The following CELF2 variants were observed in gnomAD, a reference collection of about 807,000 sequenced individuals.
CELF2 encodes the protein CUGBP Elav-like family member 2, also known as CUG triplet repeat RNA-binding protein 2.
Under a neutral mutation model 62.6 loss-of-function variants are expected in CELF2, and 8 were observed. The ratio of observed to expected loss-of-function variants is 0.13; its 90% CI spans 0.07 to 0.23. The LOEUF (loss-of-function observed/expected upper bound fraction) is 0.23, where lower values mean the gene tolerates loss of function less well. CELF2 is among the 10% of genes least tolerant of loss of function. The pLI, the probability that CELF2 is intolerant of heterozygous loss-of-function variation, is 1.00. For missense variants in CELF2, 333 were observed against 671.0 expected (o/e 0.50, Z 5.56); for synonymous variants, 258 against 250.0 (o/e 1.03, Z -0.30).
At chr10:10,923,974 G>A (rs1238958185) in intron 2 of CELF2, 1 of 152,140 alleles carries the variant, frequency 6.6e-6, no homozygotes, top group Non-Finnish European at 1.5e-5. Flanking sequence ...TTAGGATGAA[G>A]GGTGTTGCGT....
intron 2 of CELF2, among the ~76,000 whole-genome samples, chr10:10,986,833 C>T (rs1251549381): frequency 1.3e-5 from 2 of 152,146 alleles, no homozygotes; most frequent in African/African-American, 4.8e-5. Flanking sequence ...TACAAGGTCA[C>T]GCGTTCTTAC....
At chr10:11,317,702 G>A (rs1197323928) in intron 10 of CELF2, 2 of 152,190 alleles carry the variant, frequency 1.3e-5, no homozygotes, top group Non-Finnish European at 2.9e-5. Flanking sequence ...CATGTTTATG[G>A]GTTAGTCCTT....
the CELF2 span, among the ~76,000 whole-genome samples, chr10:10,641,849 C>T: frequency 5.9e-5 from 9 of 152,166 alleles, no homozygotes; most frequent in Non-Finnish European, 1.3e-4. Flanking sequence ...AAAATAAATA[C>T]GAAAATTCAA....
rs2095215492 is a variant in CELF2 at position 11,318,517 on chromosome 10, G to A, written c.1097-2672G>A. The A allele has an allele frequency of 2.8e-6, 1 of 352,066 alleles. No individual in the cohort carries two copies. Among genetic ancestry groups the A allele is most frequent in the South Asian group, 2.2e-5 (1 of 45,948 alleles). 21.8% of individuals were successfully genotyped at this position (352,066 alleles called of 1,614,324 possible). A position where few individuals can be genotyped will look rare whatever the true frequency, so the allele number is the denominator to read the frequency against. ...GTAAACACGACCCTTCCAGAAAGCAGATTAGCTCTGAGGTGTAGTCCAGAG... is the reference window on the plus strand; with the variant it reads ...GTAAACACGACCCTTCCAGAAAGCAAATTAGCTCTGAGGTGTAGTCCAGAG... On this transcript the variant is annotated intron_variant, in intron 10 of 12. Coordinates refer to ENST00000633077, the MANE Select transcript of CELF2 (RefSeq NM_001326342.2). The surrounding 1 kb of genome is among the most constrained non-coding windows in gnomAD (Gnocchi z 5.4).
chr10:11,224,855 C>T lies in CELF2; in HGVS notation c.354+7348C>T, dbSNP rs1464774297. Among the ~76,000 whole-genome samples, 1 of 152,068 alleles carries T rather than the reference C, an allele frequency of 6.6e-6. No individual in the cohort carries two copies. The highest frequency in any genetic ancestry group is 1.5e-5 in the Non-Finnish European group (1 of 68,020). On this transcript the variant is annotated intron_variant, in intron 3 of 12. Coordinates refer to ENST00000633077, the MANE Select transcript of CELF2 (RefSeq NM_001326342.2). The surrounding 1 kb of genome is among the most constrained non-coding windows in gnomAD (Gnocchi z 4.5). ...GTGGAGAGAGTTCTCCCAGGAACAC[C>T]AAGGTTCTTCCCCCACACACTAGGA...
At chr10:11,265,351 C>A (rs1032886820) in intron 5 of CELF2, among the ~76,000 whole-genome samples, 1 of 152,212 alleles carries the variant, frequency 6.6e-6, no homozygotes, top group African/African-American at 2.4e-5. Context: ...ATTTGGAAAT[C>A]TTTTAAGTAG....
intron 1 of CELF2, among the ~76,000 whole-genome samples, chr10:11,160,897 G>GA (rs2065573013): frequency 6.6e-6 from 1 of 152,154 alleles, no homozygotes; most frequent in Non-Finnish European, 1.5e-5. Context: ...ATACAACACA[G>GA]AAAGTTGCCC....
the CELF2 span, among the ~76,000 whole-genome samples, chr10:10,492,328 T>C: frequency 6.6e-6 from 1 of 152,156 alleles, no homozygotes; most frequent in African/African-American, 2.4e-5. Flanking sequence ...AGTCTGTCTC[T>C]CCAGGATAGC....
the CELF2 span, among the ~76,000 whole-genome samples, chr10:10,780,644 C>T: frequency 6.6e-6 from 1 of 152,110 alleles, no homozygotes; most frequent in Non-Finnish European, 1.5e-5. Flanking sequence ...CCGTGCCCAG[C>T]TAATTTTTGT....
chr10:10,472,705 C>T, the CELF2 span, among the ~76,000 whole-genome samples: 3 of 151,830 alleles, frequency 2.0e-5, no homozygotes, highest in Admixed American at 6.6e-5. Context: ...AGAATTCTTG[C>T]TCTGTTATTA....
At chr10:10,679,285 C>CTTATG in the CELF2 span, among the ~76,000 whole-genome samples, 1 of 151,970 alleles carries the variant, frequency 6.6e-6, no homozygotes, top group African/African-American at 2.4e-5. Flanking sequence ...GTAATCTTTT[C>CTTATG]TTATGTTTTG....
chr10:10,845,650 A>C (rs1374332609), intron 1 of CELF2, among the ~76,000 whole-genome samples: 2 of 152,204 alleles, frequency 1.3e-5, no homozygotes, highest in Non-Finnish European at 2.9e-5. Flanking sequence ...CAATGCATAC[A>C]TGTCTCAGAA....
At chr10:11,044,593 G>C (rs1451146704) in intron 1 of CELF2, among the ~76,000 whole-genome samples, 2 of 152,202 alleles carry the variant, frequency 1.3e-5, no homozygotes, top group Non-Finnish European at 2.9e-5. Flanking sequence ...CCAAGTACCA[G>C]AGATTATGAT....
chr10:11,018,512 G>T (rs1040362397), intron 1 of CELF2, among the ~76,000 whole-genome samples: 1 of 150,920 alleles, frequency 6.6e-6, no homozygotes, highest in Non-Finnish European at 1.5e-5. Context: ...CGACCGGCGC[G>T]AGGACCCGCG....
the CELF2 span, among the ~76,000 whole-genome samples, chr10:10,765,915 A>G: frequency 3.3e-5 from 5 of 152,106 alleles, no homozygotes; most frequent in Non-Finnish European, 7.4e-5. Flanking sequence ...GCACAAGCGC[A>G]CTGGCCCAAG....
At chr10:11,040,879 G>A (rs188727111) in intron 1 of CELF2, among the ~76,000 whole-genome samples, 1 of 151,836 alleles carries the variant, frequency 6.6e-6, no homozygotes, top group African/African-American at 2.4e-5. Flanking sequence ...CCTCTGTTTA[G>A]CTCCATCTCT....
chr10:10,883,795 A>G (rs1005092576), intron 1 of CELF2, among the ~76,000 whole-genome samples: 3 of 152,166 alleles, frequency 2.0e-5, no homozygotes, highest in Admixed American at 1.3e-4. Flanking sequence ...ATGCAATTTC[A>G]TATGGTTTTG....
intron 1 of CELF2, among the ~76,000 whole-genome samples, chr10:11,044,207 A>G (rs2062392164): frequency 6.6e-6 from 1 of 152,152 alleles, no homozygotes; most frequent in Non-Finnish European, 1.5e-5. Flanking sequence ...GTTTAACAAA[A>G]TGCTCCATAT....
chr10:11,108,147 C>T (rs761628229), intron 1 of CELF2, among the ~76,000 whole-genome samples: 8 of 124,176 alleles, frequency 6.4e-5, no homozygotes, highest in Non-Finnish European at 1.1e-4. Context: ...TGCTGATTGG[C>T]AGAATTCTCC....
Sources: gnomAD v4.1 joint callset for allele counts (sites outside exome capture counted in the v4.1 genomes callset) on GRCh38, gnomAD v4.1.1 for gene constraint, Gnocchi (gnomAD v3.1) non-coding constraint, MANE v1.5 for transcripts, NCBI Gene and HGNC (gene_info 2026-07-23, HGNC 2026-07-21) for gene names.